Variants in KIF13B observed in about 807,000 individuals in gnomAD.
KIF13B encodes kinesin-like protein KIF13B.
A neutral mutation model predicts 222.0 loss-of-function variants in KIF13B; 127 were observed. That is an observed-to-expected ratio of 0.57 (90% CI 0.50 to 0.66). KIF13B has a LOEUF of 0.66. Ranked by LOEUF, KIF13B falls within the 30% of genes least tolerant of loss-of-function variation. The pLI is 0.00. For missense variants in KIF13B, 2,173 were observed against 2,379.0 expected, an observed-to-expected ratio of 0.91 and a Z score of 1.80; for synonymous variants, 976 against 919.0, an observed-to-expected ratio of 1.06 and a Z score of -1.12.
In KIF13B at chr8:29,240,319, G is replaced by A. The variant is rs182670375; in HGVS notation, c.149+5027C>T. ...TTGTACGCTTCATCACCATGCACCC[G>A]CAGCAGGGAAAAAAAAAAAAAGCCG... On this transcript the variant is annotated intron_variant, in intron 2 of 39. Coordinates refer to ENST00000524189, the MANE Select transcript of KIF13B (RefSeq NM_015254.4). 3.8e-3 allele frequency among the ~76,000 whole-genome samples: 569 copies of A among 148,032 alleles called. 5 individuals are homozygous for A. Among genetic ancestry groups the A allele is most frequent in the African/African-American group, 0.013 (516 of 40,098 alleles).
At chr8:29,150,033 C>T (rs1278272672) in intron 15 of KIF13B, among the ~76,000 whole-genome samples, 1 of 152,030 alleles carries the variant, frequency 6.6e-6, no homozygotes, top group African/African-American at 2.4e-5. Flanking sequence ...GCAAAAGAAT[C>T]ATCTTCTAGT....
intron 25 of KIF13B, 79 bp downstream of exon 25, chr8:29,127,043 G>T: frequency 8.1e-7 from 1 of 1,240,004 alleles, no homozygotes; most frequent in Non-Finnish European, 1.1e-6. Context: ...TTCATAAAAA[G>T]TAGTTTCGTA....
At chr8:29,093,319 A>G (rs546019236) in intron 36 of KIF13B, among the ~76,000 whole-genome samples, 2 of 152,290 alleles carry the variant, frequency 1.3e-5, no homozygotes, top group African/African-American at 4.8e-5. Context: ...TAACTACTGA[A>G]GGAAGATGAT....
chr8:29,190,831 A>G, intron 4 of KIF13B, 166 bp downstream of exon 4: 1 of 672,362 alleles, frequency 1.5e-6, no homozygotes, highest in Non-Finnish European at 2.7e-6. Context: ...AACTCCCCCA[A>G]CATTTGGTCA....
chr8:29,074,225 C>G (rs1295399420), intron 38 of KIF13B, among the ~76,000 whole-genome samples: 2 of 152,202 alleles, frequency 1.3e-5, no homozygotes, highest in East Asian at 3.9e-4. Flanking sequence ...AAGACACTGG[C>G]TTGGGCTGGG....
intron 35 of KIF13B, among the ~76,000 whole-genome samples, chr8:29,107,608 G>A (rs1281898854): frequency 2.7e-5 from 4 of 149,472 alleles, no homozygotes. Context: ...TGCCCAGGCT[G>A]GAGTGCAGTG....
In KIF13B at chr8:29,070,778, G is replaced by A. The variant is rs1267483664; in HGVS notation, c.5219-12C>T. ...ACCGTCATTCTTACCTGCGGGGGAA[G>A]GAGAGGGTGATATGGAGGGCAGCCG... On this transcript the variant is annotated splice_polypyrimidine_tract_variant and intron_variant, in intron 39 of 39. Coordinates refer to ENST00000524189, the MANE Select transcript of KIF13B (RefSeq NM_015254.4). The surrounding 1 kb of genome is among the most constrained non-coding windows in gnomAD (Gnocchi z 4.1). 1 of 1,584,980 alleles carries A rather than the reference G, an allele frequency of 6.3e-7. No individual in the cohort carries two copies. Among genetic ancestry groups the A allele is most frequent in the Non-Finnish European group, 8.6e-7 (1 of 1,166,398 alleles).
intron 36 of KIF13B, among the ~76,000 whole-genome samples, chr8:29,095,965 G>GTT (rs138886953): frequency 2.8e-5 from 4 of 145,152 alleles, no homozygotes; most frequent in South Asian, 2.3e-4. Context: ...GACAAGTAGT[G>GTT]TTTTTTTTTG....
chr8:29,159,610 G>C (rs1455859064), intron 13 of KIF13B, among the ~76,000 whole-genome samples: 1 of 152,156 alleles, frequency 6.6e-6, no homozygotes, highest in African/African-American at 2.4e-5. Context: ...TGGCAAAGTA[G>C]CCAGAGACCT....
chr8:29,209,430 C>G (rs1814106322), intron 2 of KIF13B, among the ~76,000 whole-genome samples: 1 of 152,220 alleles, frequency 6.6e-6, no homozygotes, highest in African/African-American at 2.4e-5. Context: ...CACCATCCTA[C>G]AGTGGCCTGA....
At chr8:29,168,417 G>C (rs1306932832) in intron 10 of KIF13B, among the ~76,000 whole-genome samples, 1 of 152,242 alleles carries the variant, frequency 6.6e-6, no homozygotes, top group African/African-American at 2.4e-5. Flanking sequence ...GGCTGCCTAT[G>C]CAGGCGACCT....
chr8:29,068,710 G>T lies in KIF13B; in HGVS notation c.*1794C>A, dbSNP rs146899742. The T allele has an allele frequency of 9.3e-3, 1,424 of 152,448 alleles. 28 individuals are homozygous for T. Among genetic ancestry groups the T allele is most frequent in the African/African-American group, 0.033 (1,357 of 41,572 alleles). The allele number at this position is 152,448 out of a possible 1,614,324, so 9.4% of individuals were successfully genotyped here. On this transcript the variant is annotated 3_prime_UTR_variant, in exon 40 of 40. Transcript: ENST00000524189. The surrounding 1 kb of genome is among the most constrained non-coding windows in gnomAD (Gnocchi z 4.4). ...TCCCCTCAGGGCAGCAGCAGTGCTGGCCTCTCACCCAGGCCATAGTGACAC... is the reference window on the plus strand; with the variant it reads ...TCCCCTCAGGGCAGCAGCAGTGCTGTCCTCTCACCCAGGCCATAGTGACAC...
At chr8:29,223,197 C>T (rs897746924) in intron 2 of KIF13B, among the ~76,000 whole-genome samples, 1 of 149,438 alleles carries the variant, frequency 6.7e-6, no homozygotes, top group Admixed American at 6.7e-5. Context: ...AAAACTTAGC[C>T]AGGCATGGTG....
At chr8:29,183,131 T>C (rs1176435143) in intron 6 of KIF13B, among the ~76,000 whole-genome samples, 2 of 152,062 alleles carry the variant, frequency 1.3e-5, no homozygotes, top group Admixed American at 6.6e-5. Context: ...ACAAAATCTT[T>C]TTTAAAATAA....
chr8:29,171,667 A>G (rs1477491600), intron 10 of KIF13B, among the ~76,000 whole-genome samples: 4 of 146,700 alleles, frequency 2.7e-5, no homozygotes, highest in African/African-American at 1.0e-4. Context: ...GCTCTGGAAC[A>G]TGTTTTGCGA....
rs1169563495 is a variant in KIF13B, at chr8:29,105,491, T to G, written c.4215+2648A>C. Among the ~76,000 whole-genome samples, 3 of 152,268 alleles carry G rather than the reference T, an allele frequency of 2.0e-5. No individual in the cohort carries two copies. In the East Asian group the frequency reaches 5.8e-4, roughly 29 times the overall value. The stretch of plus-strand genomic sequence containing the variant: ...CTGTGTGAAGCCAGTGGGGGGTCCA[T>G]GCCCTCTGCCATGCCCTGGCTGGGT... On this transcript the variant is annotated intron_variant, in intron 35 of 39. Coordinates refer to ENST00000524189, the MANE Select transcript of KIF13B (RefSeq NM_015254.4).
At chr8:29,073,422 G>A (rs1173357919) in intron 38 of KIF13B, among the ~76,000 whole-genome samples, 3 of 152,124 alleles carry the variant, frequency 2.0e-5, no homozygotes, top group East Asian at 1.9e-4. Flanking sequence ...AGCAGCCACC[G>A]CTTGCCCAAA....
intron 29 of KIF13B, among the ~76,000 whole-genome samples, chr8:29,122,114 C>T (rs1451440459): frequency 1.3e-5 from 2 of 151,886 alleles, no homozygotes; most frequent in East Asian, 1.9e-4. Flanking sequence ...ATTAGCCGGG[C>T]GTGGTGGCAC....
In KIF13B at chr8:29,167,574, C is replaced by G; in HGVS notation, c.957G>C (p.Gly319=). The G allele has an allele frequency of 6.2e-7, 1 of 1,613,826 alleles. No homozygotes were observed. Among genetic ancestry groups the G allele is most frequent in the East Asian group, 2.2e-5 (1 of 44,892 alleles). ...VLTWLLKDSL[G]GNSKTAMVAT... ...CCACCATGGCGGTCTTGCTGTTACC[C>G]CCGAGGCTGTCCTACAGGAGAAAAC... The change falls in exon 11 of 40, where the codon GGG becomes GGC. Residue 319 remains glycine (G), a synonymous_variant. Coordinates refer to ENST00000524189, the MANE Select transcript of KIF13B (RefSeq NM_015254.4).
Sources: gnomAD v4.1 joint callset for allele counts (sites outside exome capture counted in the v4.1 genomes callset) on GRCh38, gnomAD v4.1.1 for gene constraint, Gnocchi (gnomAD v3.1) non-coding constraint, MANE v1.5 for transcripts, NCBI Gene and HGNC (gene_info 2026-07-23, HGNC 2026-07-21) for gene names.